The following SLC4A8 variants were observed in gnomAD, a reference collection of about 807,000 sequenced individuals.
SLC4A8 encodes the protein electroneutral sodium bicarbonate exchanger 1.
A neutral mutation model predicts 125.0 loss-of-function variants in SLC4A8; 40 were observed. The observed-to-expected ratio is 0.32, with a 90% confidence interval of 0.25 to 0.42. The LOEUF is 0.42. Among genes scored for constraint, SLC4A8 ranks in the 10% least tolerant of loss-of-function variants. The pLI is 1.00. For missense variants in SLC4A8, 863 were observed against 1,355.1 expected, an observed-to-expected ratio of 0.64 and a Z score of 5.70; for synonymous variants, 456 against 476.0, an observed-to-expected ratio of 0.96 and a Z score of 0.55.
chr12:51,481,609 A>G (rs543019818), intron 16 of SLC4A8, among the ~76,000 whole-genome samples: 1 of 152,094 alleles, frequency 6.6e-6, no homozygotes, highest in South Asian at 2.1e-4. Flanking sequence ...TAAAACTGTG[A>G]TTCTATCCTT....
At chr12:51,421,497 G>C (rs537223838), upstream of SLC4A8, among the ~76,000 whole-genome samples, 3 of 152,304 alleles carry the variant, frequency 2.0e-5, no homozygotes, top group South Asian at 6.2e-4. Context: ...CAGAGGCTCT[G>C]ACTTTTTCCA....
intron 22 of SLC4A8, among the ~76,000 whole-genome samples, chr12:51,499,925 A>G (rs1423203239): frequency 6.6e-6 from 1 of 152,196 alleles, no homozygotes; most frequent in Non-Finnish European, 1.5e-5. Flanking sequence ...GGTAGCAGGG[A>G]GACCAGCTAG....
intron 1 of SLC4A8, among the ~76,000 whole-genome samples, chr12:51,401,493 C>G (rs1335280368): frequency 6.6e-6 from 1 of 152,160 alleles, no homozygotes; most frequent in Non-Finnish European, 1.5e-5. Context: ...TTCCGTGGGC[C>G]GATGGCGTGC....
At chr12:51,396,531 C>T (rs1049690366) in intron 1 of SLC4A8, among the ~76,000 whole-genome samples, 1 of 151,860 alleles carries the variant, frequency 6.6e-6, no homozygotes, top group African/African-American at 2.4e-5. Context: ...CAGTGATGGA[C>T]AAAGTATCAA....
chr12:51,513,907 GTTCTTAGTCCTACTTTATT>G lies in SLC4A8; in HGVS notation c.*6474_*6492del. The G allele has an allele frequency of 6.6e-6, 1 of 152,292 alleles. No homozygotes were observed. 9.4% of individuals were successfully genotyped at this position (152,292 alleles called of 1,614,324 possible). A position where few individuals can be genotyped will look rare whatever the true frequency, so the allele number is the denominator to read the frequency against. On this transcript the variant is annotated 3_prime_UTR_variant, in exon 25 of 25. Transcript: ENST00000453097. ...AGTTTCTGGTTGTCCAAAAAAGATA[GTTCTTAGTCCTACTTTATT>G]TTCTACCCACTCAACTCTCCAGACT...
chr12:51,436,037 A>G lies in SLC4A8; in HGVS notation c.49-4671A>G, dbSNP rs79565167. Among the ~76,000 whole-genome samples the G allele has an allele frequency of 7.9e-3, 1,202 of 152,372 alleles. 17 individuals carry two copies. Among genetic ancestry groups the G allele is most frequent in the African/African-American group, 0.027 (1,136 of 41,588 alleles). On this transcript the variant is annotated intron_variant, in intron 1 of 24. Transcript: ENST00000453097. ...AATATAAATTTGTAAATTTAAAAAC[A>G]TTAAAAATAAAAACGCATTGTATAT...
At chr12:51,440,320 TAGG>T (rs762069553) in intron 1 of SLC4A8, among the ~76,000 whole-genome samples, 2 of 151,906 alleles carry the variant, frequency 1.3e-5, no homozygotes, top group African/African-American at 2.4e-5. Context: ...GAGGCTGAGG[TAGG>T]AGAATTGTTT....
Position 51,471,184 on chromosome 12 carries a change from G to A in SLC4A8, c.1659-103G>A, listed in dbSNP as rs56790089. 2.8e-3 allele frequency: 2,932 copies of A among 1,064,768 alleles called. 51 individuals are homozygous for A. The African/African-American group carries it at 0.04, about 15-fold the overall frequency. 66.0% of individuals were successfully genotyped at this position (1,064,768 alleles called of 1,614,324 possible). A position where few individuals can be genotyped will look rare whatever the true frequency, so the allele number is the denominator to read the frequency against. ...ACAATCAGAATTAGGGATAAACTGGGTTCCAGTGCTTGTTTAGATGAAATG... is the reference window on the plus strand; with the variant it reads ...ACAATCAGAATTAGGGATAAACTGGATTCCAGTGCTTGTTTAGATGAAATG... On this transcript the variant is annotated intron_variant, in intron 13 of 24. Coordinates refer to ENST00000453097, the MANE Select transcript of SLC4A8 (RefSeq NM_001039960.3).
At chr12:51,457,809 T>C (rs955868599) in intron 6 of SLC4A8, among the ~76,000 whole-genome samples, 8 of 152,122 alleles carry the variant, frequency 5.3e-5, no homozygotes, top group African/African-American at 1.9e-4. Context: ...TTTTGAGAGA[T>C]AGCCACATTG....
chr12:51,428,882 G>A (rs1307100807), intron 1 of SLC4A8, among the ~76,000 whole-genome samples: 1 of 152,122 alleles, frequency 6.6e-6, no homozygotes, highest in African/African-American at 2.4e-5. Flanking sequence ...AGATAATAAA[G>A]AGGTTAAGTA....
intron 2 of SLC4A8, among the ~76,000 whole-genome samples, chr12:51,446,088 G>A (rs1026022357): frequency 1.3e-5 from 2 of 152,154 alleles, no homozygotes; most frequent in Non-Finnish European, 2.9e-5. Context: ...CACGCTATAT[G>A]CTTTTTATAG....
Position 51,509,008 on chromosome 12 carries a change from C to A in SLC4A8, c.*1570C>A, listed in dbSNP as rs1208625512. The A allele has an allele frequency of 6.6e-6, 1 of 152,600 alleles. No homozygotes were observed. Among genetic ancestry groups the A allele is most frequent in the East Asian group, 1.9e-4 (1 of 5,204 alleles). The allele number at this position is 152,600 out of a possible 1,614,324, so 9.5% of individuals were successfully genotyped here. ...CCTTCATTTATTTCATATTCCCTATCTCATAGGGCCACAATTATTTTAATA... is the reference window on the plus strand; with the variant it reads ...CCTTCATTTATTTCATATTCCCTATATCATAGGGCCACAATTATTTTAATA... On this transcript the variant is annotated 3_prime_UTR_variant, in exon 25 of 25. Coordinates refer to ENST00000453097, the MANE Select transcript of SLC4A8 (RefSeq NM_001039960.3).
At chr12:51,443,093 A>G (rs563452459) in intron 2 of SLC4A8, among the ~76,000 whole-genome samples, 7 of 152,164 alleles carry the variant, frequency 4.6e-5, no homozygotes, top group African/African-American at 7.2e-5. Context: ...TTAAACAACA[A>G]CCTCTAGTCC....
chr12:51,498,616 C>A (rs1373865894), intron 22 of SLC4A8, among the ~76,000 whole-genome samples: 1 of 149,948 alleles, frequency 6.7e-6, no homozygotes, highest in African/African-American at 2.5e-5. Flanking sequence ...CGCGGTGGCT[C>A]ATGCCTATAA....
At chr12:51,392,554 A>G (rs1948147678) in intron 1 of SLC4A8, among the ~76,000 whole-genome samples, 1 of 142,776 alleles carries the variant, frequency 7.0e-6, no homozygotes, top group African/African-American at 2.6e-5. Flanking sequence ...GCCTGGCGAC[A>G]GAGCGAGATT....
chr12:51,403,222 C>G (rs978691280), intron 1 of SLC4A8: 2 of 456,844 alleles, frequency 4.4e-6, no homozygotes, highest in Non-Finnish European at 8.8e-6. Context: ...CGGGGAGACC[C>G]AGGATACCTA....
intron 1 of SLC4A8, among the ~76,000 whole-genome samples, chr12:51,434,342 T>C (rs1949333191): frequency 6.6e-6 from 1 of 152,220 alleles, no homozygotes; most frequent in South Asian, 2.1e-4. Context: ...TTTCCTAATA[T>C]AATCAAATTT....
chr12:51,452,020 G>C (rs74874830), intron 3 of SLC4A8, 104 bp from the exon 4 acceptor site: 8 of 1,040,130 alleles, frequency 7.7e-6, no homozygotes, highest in African/African-American at 1.6e-5. Flanking sequence ...TTCTGCATTC[G>C]TGGTTGTCTA....
At chr12:51,398,500 G>A (rs987907533) in intron 1 of SLC4A8, among the ~76,000 whole-genome samples, 3 of 152,118 alleles carry the variant, frequency 2.0e-5, no homozygotes, top group Non-Finnish European at 4.4e-5. Flanking sequence ...ACATCCAAAT[G>A]CTTGTAAGAT....
Sources: gnomAD v4.1 joint callset for allele counts (sites outside exome capture counted in the v4.1 genomes callset) on GRCh38, gnomAD v4.1.1 for gene constraint, MANE v1.5 for transcripts, NCBI Gene and HGNC (gene_info 2026-07-23, HGNC 2026-07-21) for gene names.